Variants in ARFGEF3 observed in about 807,000 individuals in gnomAD.
ARFGEF3 encodes ARFGEF family member 3.
Under a neutral mutation model 221.7 loss-of-function variants are expected in ARFGEF3, and 96 were observed. The observed-to-expected ratio is 0.43, with a 90% CI of 0.37 to 0.51. ARFGEF3 has a LOEUF of 0.51. Among genes scored for constraint, ARFGEF3 ranks in the 20% least tolerant of loss-of-function variants. ARFGEF3 has a pLI of 0.00. For missense variants in ARFGEF3, 2,410 were observed against 2,789.9 expected (o/e 0.86, Z 3.07); for synonymous variants, 1,145 against 1,126.8 (o/e 1.02, Z -0.32).
At chr6:138,308,431 T>G (rs1010120161) in intron 23 of ARFGEF3, among the ~76,000 whole-genome samples, 1 of 152,166 alleles carries the variant, frequency 6.6e-6, no homozygotes. Context: ...GCCCTGTAGA[T>G]AATCTACAAA....
chr6:138,180,913 G>A (rs905911037), intron 2 of ARFGEF3, among the ~76,000 whole-genome samples: 6 of 152,188 alleles, frequency 3.9e-5, no homozygotes, highest in African/African-American at 1.4e-4. Flanking sequence ...AAATCAAGGT[G>A]CTCTGAAGAT....
At chr6:138,209,812 C>T in intron 3 of ARFGEF3, 98 bp from the exon 4 acceptor site, 3 of 1,457,252 alleles carry the variant, frequency 2.1e-6, no homozygotes, top group Non-Finnish European at 2.8e-6. Flanking sequence ...ACACGCCTCC[C>T]CAGTAAGAAA....
chr6:138,317,486 G>A (rs755399317), intron 27 of ARFGEF3, 107 bp downstream of exon 27: 24 of 1,370,690 alleles, frequency 1.8e-5, no homozygotes, highest in Non-Finnish European at 2.4e-5. Flanking sequence ...CCTAGACTTA[G>A]TACAAAGCTC....
Position 138,286,818 on chromosome 6 carries a change from G to T in ARFGEF3, c.2687G>T (p.Gly896Val). The change falls in exon 16 of 34, where the codon GGA becomes GTA. Residue 896 changes from glycine to valine, a missense_variant. This residue lies in a region of ARFGEF3 where 594 missense variants were observed against 734.3 expected (regional missense o/e 0.81). Coordinates refer to ENST00000251691, the MANE Select transcript of ARFGEF3 (RefSeq NM_020340.5). ...GSSKGLAFILGAEGIKEQNQK... is the reference protein window; with the variant it reads ...GSSKGLAFILVAEGIKEQNQK... ...TCCAAAGGGCTGGCCTTCATTCTGG[G>T]AGCTGAAGGCATCAAAGAGCAGAAC... 6.2e-7 allele frequency: 1 copy of T among 1,614,022 alleles called. No individual in the cohort carries two copies. The highest frequency in any genetic ancestry group is 8.5e-7 in the Non-Finnish European group (1 of 1,179,898).
chr6:138,291,962 CG>C lies in ARFGEF3; in HGVS notation c.3281del (p.Gly1094ValfsTer12). 1 of 1,532,104 alleles carries C rather than the reference CG, an allele frequency of 6.5e-7. No individual in the cohort carries two copies. The highest frequency in any genetic ancestry group is 2.0e-5 in the Admixed American group (1 of 50,058). 94.9% of individuals were successfully genotyped at this position (1,532,104 alleles called of 1,614,324 possible). A position where few individuals can be genotyped will look rare whatever the true frequency, so the allele number is the denominator to read the frequency against. The stretch of plus-strand genomic sequence containing the variant: ...CCAGGACCTCGTCCGGGAAGGCAGC[CG>C]GGGTCGGGCCTCCGACTTCCGCGGC... Reference protein sequence around the residue: ...SIQDLVREGSRGRASDFRGGS... With the variant: ...SIQDLVREGSXGRASDFRGGS... On this transcript the variant is annotated frameshift_variant, in exon 19 of 34. Transcript: ENST00000251691. LOFTEE classifies it high-confidence loss of function. The surrounding 1 kb of genome is among the most constrained non-coding windows in gnomAD (Gnocchi z 4.5).
intron 12 of ARFGEF3, among the ~76,000 whole-genome samples, chr6:138,265,061 A>T (rs931880767): frequency 2.6e-5 from 4 of 151,700 alleles, no homozygotes; most frequent in Admixed American, 1.3e-4. Flanking sequence ...CCACCACCAC[A>T]CCGGGCTAAT....
At chr6:138,283,436 TTATTTAACTTTAATGA>T (rs1779232982) in intron 14 of ARFGEF3, among the ~76,000 whole-genome samples, 1 of 152,204 alleles carries the variant, frequency 6.6e-6, no homozygotes, top group Non-Finnish European at 1.5e-5. Flanking sequence ...CATAGGAAAG[TTATTTAACTTTAATGA>T]TAGAAAAGGG....
At chr6:138,178,771 G>T (rs1777005398) in intron 2 of ARFGEF3, among the ~76,000 whole-genome samples, 2 of 152,162 alleles carry the variant, frequency 1.3e-5, no homozygotes, top group South Asian at 4.1e-4. Flanking sequence ...GTATTTGAAA[G>T]AATCTGTGCC....
chr6:138,317,297 T>A lies in ARFGEF3; in HGVS notation c.4392T>A (p.Ala1464=). 1 of 1,614,008 alleles carries A rather than the reference T, an allele frequency of 6.2e-7. No homozygotes were observed. The highest frequency in any genetic ancestry group is 1.1e-5 in the South Asian group (1 of 91,068). Residue 1464 remains alanine, a synonymous_variant, in exon 27 of 34, where the codon GCT becomes GCA. Coordinates refer to ENST00000251691, the MANE Select transcript of ARFGEF3 (RefSeq NM_020340.5). ...WIILLEQLTA[A]VSNCPRQHQP... ...TCCTGCTGGAGCAGCTGACAGCGGC[T>A]GTGTCCAATTGTCCACGGCAGCACC...
At chr6:138,287,649 C>A (rs1005806317) in intron 17 of ARFGEF3, among the ~76,000 whole-genome samples, 1 of 152,120 alleles carries the variant, frequency 6.6e-6, no homozygotes, top group African/African-American at 2.4e-5. Flanking sequence ...TTTGTGAACT[C>A]GAGAAATGGC....
intron 15 of ARFGEF3, 46 bp from the exon 16 acceptor site, chr6:138,286,655 G>A: frequency 6.6e-7 from 1 of 1,520,214 alleles, no homozygotes; most frequent in Non-Finnish European, 9.1e-7. Context: ...TCATTGCCAG[G>A]TTGTTTTTGT....
At chr6:138,208,936 A>T (rs998394468) in intron 3 of ARFGEF3, among the ~76,000 whole-genome samples, 1 of 152,160 alleles carries the variant, frequency 6.6e-6, no homozygotes, top group African/African-American at 2.4e-5. Context: ...TAGAAGCTTA[A>T]TCTGTTTGTC....
chr6:138,177,102 T>A (rs2114441772), intron 2 of ARFGEF3, among the ~76,000 whole-genome samples: 1 of 143,106 alleles, frequency 7.0e-6, no homozygotes, highest in South Asian at 2.1e-4. Flanking sequence ...TATTTATATT[T>A]TTTTTGAGAC....
intron 12 of ARFGEF3, among the ~76,000 whole-genome samples, chr6:138,267,140 A>G (rs1040132707): frequency 1.3e-5 from 2 of 152,216 alleles, no homozygotes; most frequent in Non-Finnish European, 2.9e-5. Context: ...GCCATCAAGA[A>G]ACAGTAAAAT....
At chr6:138,332,575 T>TTACTGGTAGCTTAAGTAGGAGC (rs1346924726) in intron 32 of ARFGEF3, among the ~76,000 whole-genome samples, 5 of 152,172 alleles carry the variant, frequency 3.3e-5, no homozygotes, top group Admixed American at 3.3e-4. Flanking sequence ...GTATTCAGGT[T>TTACTGGTAGCTTAAGTAGGAGC]TACTGGTAGC....
Position 138,303,976 on chromosome 6 carries a change from T to G in ARFGEF3, c.3829-3277T>G, listed in dbSNP as rs545513816. The stretch of plus-strand genomic sequence containing the variant: ...GAGAGGGTAAAATGTGTGGCTGCTT[T>G]GCAGGCTGACAGTTCCTCAAGGGGT... On this transcript the variant is annotated intron_variant, in intron 22 of 33. Coordinates refer to ENST00000251691, the MANE Select transcript of ARFGEF3 (RefSeq NM_020340.5). Among the ~76,000 whole-genome samples, 6 of 151,926 alleles carry G rather than the reference T, an allele frequency of 3.9e-5. No individual in the cohort carries two copies. In the South Asian group the frequency reaches 1.3e-3, roughly 32 times the overall value.
chr6:138,275,735 C>T (rs1021984632), intron 12 of ARFGEF3, among the ~76,000 whole-genome samples: 1 of 148,380 alleles, frequency 6.7e-6, no homozygotes, highest in African/African-American at 2.5e-5. Flanking sequence ...CAGAACAAGA[C>T]TCTGACTCAG....
At chr6:138,235,515 C>G (rs531700344) in intron 5 of ARFGEF3, among the ~76,000 whole-genome samples, 2 of 152,336 alleles carry the variant, frequency 1.3e-5, no homozygotes, top group East Asian at 1.9e-4. Context: ...CTGATGAGCT[C>G]TGTCCCAGAA....
chr6:138,193,967 T>A (rs983002424), intron 2 of ARFGEF3, among the ~76,000 whole-genome samples: 2 of 152,140 alleles, frequency 1.3e-5, no homozygotes, highest in Admixed American at 1.3e-4. Flanking sequence ...TGCATAAGGT[T>A]ATCAGCATAT....
Sources: allele counts gnomAD v4.1 joint callset (sites outside exome capture counted in the v4.1 genomes callset), GRCh38; gene constraint gnomAD v4.1.1; regional missense constraint gnomAD v4.1.1; non-coding constraint Gnocchi (gnomAD v3.1); transcripts MANE v1.5; gene names NCBI Gene and HGNC (gene_info 2026-07-23, HGNC 2026-07-21).